The following RABEP1 variants were observed in gnomAD, a reference collection of about 807,000 sequenced individuals.
RABEP1 encodes the protein rabaptin, RAB GTPase binding effector protein 1.
A neutral mutation model predicts 123.4 loss-of-function variants in RABEP1; 51 were observed. That is an observed-to-expected ratio of 0.41 (90% confidence interval 0.33 to 0.52). RABEP1 has a LOEUF of 0.52. Among genes scored for constraint, RABEP1 ranks in the 20% least tolerant of loss-of-function variants. The pLI is 0.16. For missense variants in RABEP1, 888 were observed against 996.3 expected, an observed-to-expected ratio of 0.89 and a Z score of 1.46; for synonymous variants, 347 against 355.2, an observed-to-expected ratio of 0.98 and a Z score of 0.26.
intron 1 of RABEP1, among the ~76,000 whole-genome samples, chr17:5,283,105 C>T (rs1301417194): frequency 6.6e-6 from 1 of 152,018 alleles, no homozygotes; most frequent in Non-Finnish European, 1.5e-5. Context: ...GGGCTCATTT[C>T]TTAGCCTCGT....
intron 11 of RABEP1, among the ~76,000 whole-genome samples, chr17:5,367,943 G>T (rs780192174): frequency 5.3e-5 from 8 of 150,936 alleles, no homozygotes; most frequent in Non-Finnish European, 8.8e-5. Flanking sequence ...TTTTAGTAGA[G>T]ATGGGGTTTT....
chr17:5,305,464 GC>G (rs1156605472), intron 1 of RABEP1, among the ~76,000 whole-genome samples: 3 of 152,100 alleles, frequency 2.0e-5, no homozygotes, highest in African/African-American at 7.2e-5. Flanking sequence ...ATCTTTAACA[GC>G]TGCATTTTTG....
intron 11 of RABEP1, among the ~76,000 whole-genome samples, chr17:5,366,882 G>C (rs1318752956): frequency 6.6e-6 from 1 of 151,706 alleles, no homozygotes; most frequent in Non-Finnish European, 1.5e-5. Flanking sequence ...CTGAGGTCAG[G>C]AGTTTGAGAC....
chr17:5,314,856 T>C (rs183735687), intron 2 of RABEP1, among the ~76,000 whole-genome samples: 5 of 152,332 alleles, frequency 3.3e-5, no homozygotes, highest in African/African-American at 1.2e-4. Context: ...GTTGAAGTAT[T>C]TTCTGATTCA....
chr17:5,350,517 A>G lies in RABEP1; in HGVS notation c.851A>G (p.Asn284Ser), dbSNP rs1255570331. 11 of 1,614,220 alleles carry G rather than the reference A, an allele frequency of 6.8e-6. No homozygotes were observed. Among genetic ancestry groups the G allele is most frequent in the Admixed American group, 1.7e-5 (1 of 60,024 alleles). The change falls in exon 7 of 18, where the codon AAT becomes AGT. Residue 284 changes from asparagine (N) to serine (S), a missense_variant. Coordinates refer to ENST00000537505, the MANE Select transcript of RABEP1 (RefSeq NM_004703.6). Reference protein sequence around the residue: ...NQLKHTWQKANDQFLESQRLL... With the variant: ...NQLKHTWQKASDQFLESQRLL... ...TTAAAACATACGTGGCAGAAGGCCAATGACCAGTTTCTGGAATCTCAGCGT... is the reference window on the plus strand; with the variant it reads ...TTAAAACATACGTGGCAGAAGGCCAGTGACCAGTTTCTGGAATCTCAGCGT...
intron 5 of RABEP1, among the ~76,000 whole-genome samples, chr17:5,344,374 G>C (rs1290844800): frequency 1.3e-5 from 2 of 151,738 alleles, no homozygotes; most frequent in Non-Finnish European, 2.9e-5. Flanking sequence ...GGAGATGGAG[G>C]CTGCAGTGAG....
At chr17:5,337,420 T>C (rs554573723) in intron 4 of RABEP1, among the ~76,000 whole-genome samples, 662 of 152,300 alleles carry the variant, frequency 4.3e-3, no homozygotes, top group Non-Finnish European at 8.1e-3. Flanking sequence ...GCGCGGTGGC[T>C]CACGCCTGTA....
chr17:5,333,623 A>G (rs529575961), intron 3 of RABEP1, among the ~76,000 whole-genome samples: 1 of 152,304 alleles, frequency 6.6e-6, no homozygotes, highest in South Asian at 2.1e-4. Context: ...TAGGCTTCAT[A>G]TAACAAACCC....
At chr17:5,312,470 A>G (rs2075253839) in intron 2 of RABEP1, among the ~76,000 whole-genome samples, 1 of 152,088 alleles carries the variant, frequency 6.6e-6, no homozygotes, top group African/African-American at 2.4e-5. Flanking sequence ...AGTTTTTAAT[A>G]CAACAGGACA....
chr17:5,322,421 A>C (rs535301698), intron 2 of RABEP1, among the ~76,000 whole-genome samples: 1 of 152,166 alleles, frequency 6.6e-6, no homozygotes, highest in Non-Finnish European at 1.5e-5. Flanking sequence ...AAAGGGGTCA[A>C]TTCAGCAAGA....
At chr17:5,308,608 C>CAATT (rs141363079) in intron 1 of RABEP1, 86 bp from the exon 2 acceptor site, 144,527 of 1,214,968 alleles carry the variant, frequency 0.12, 15,117 homozygotes, top group East Asian at 0.5. Flanking sequence ...TCACGTATAG[C>CAATT]AATGTACAGC....
intron 10 of RABEP1, among the ~76,000 whole-genome samples, chr17:5,363,383 C>G (rs1342268031): frequency 6.6e-6 from 1 of 151,966 alleles, no homozygotes; most frequent in Non-Finnish European, 1.5e-5. Flanking sequence ...CCACCCCCAG[C>G]TATTTTTTGT....
chr17:5,368,991 C>A (rs1597391564), intron 12 of RABEP1, among the ~76,000 whole-genome samples: 1 of 152,262 alleles, frequency 6.6e-6, no homozygotes, highest in Non-Finnish European at 1.5e-5. Flanking sequence ...ACCTGCAAAT[C>A]CCAGCTACTC....
intron 2 of RABEP1, among the ~76,000 whole-genome samples, chr17:5,312,557 C>T (rs1366673091): frequency 6.6e-6 from 1 of 152,152 alleles, no homozygotes; most frequent in Non-Finnish European, 1.5e-5. Context: ...GAAAGGATTA[C>T]TGACTGTGGT....
At chr17:5,323,819 AATAT>A (rs200561684) in intron 2 of RABEP1, among the ~76,000 whole-genome samples, 1 of 70,940 alleles carries the variant, frequency 1.4e-5, no homozygotes, top group Non-Finnish European at 2.5e-5. Context: ...TATATCTAGG[AATAT>A]ATATATATAT....
At chr17:5,370,228 G>C (rs1910421487) in intron 12 of RABEP1, among the ~76,000 whole-genome samples, 1 of 152,184 alleles carries the variant, frequency 6.6e-6, no homozygotes, top group Admixed American at 6.5e-5. Flanking sequence ...GTAGGTATAT[G>C]ATGTGTGTGT....
At chr17:5,322,045 A>G (rs1056074919) in intron 2 of RABEP1, among the ~76,000 whole-genome samples, 1 of 152,206 alleles carries the variant, frequency 6.6e-6, no homozygotes, top group Admixed American at 6.5e-5. Flanking sequence ...CTAGAAATAC[A>G]AAAAACTAGC....
chr17:5,360,984 T>G, intron 8 of RABEP1: 1 of 534,686 alleles, frequency 1.9e-6, no homozygotes, highest in South Asian at 2.4e-5. Context: ...AAGCCGTATG[T>G]ATCTCGAGGT....
chr17:5,368,581 T>G (rs1342335680), intron 12 of RABEP1, 113 bp downstream of exon 12: 1 of 722,090 alleles, frequency 1.4e-6, no homozygotes, highest in Non-Finnish European at 2.4e-6. Flanking sequence ...TAGTTACTGT[T>G]GTCTTCTCCC....
Sources: allele counts gnomAD v4.1 joint callset (sites outside exome capture counted in the v4.1 genomes callset), GRCh38; gene constraint gnomAD v4.1.1; transcripts MANE v1.5; gene names NCBI Gene and HGNC (gene_info 2026-07-23, HGNC 2026-07-21).